PTPRE: variants seen among roughly 807,000 people sequenced by gnomAD.
PTPRE encodes protein tyrosine phosphatase receptor type E.
A neutral mutation model predicts 102.0 loss-of-function variants in PTPRE; 51 were observed. The observed-to-expected ratio is 0.50, with a 90% CI of 0.40 to 0.63. The LOEUF (loss-of-function observed/expected upper bound fraction) is 0.63. PTPRE is among the 30% of genes least tolerant of loss of function. The pLI is 0.00. For synonymous variants in PTPRE, 345 were observed against 348.2 expected (o/e 0.99, Z 0.10); for missense variants, 752 against 915.1 (o/e 0.82, Z 2.30).
At chr10:127,998,778 T>G (rs1043258463) in intron 2 of PTPRE, 2 of 152,132 alleles carry the variant, frequency 1.3e-5, no homozygotes, top group Non-Finnish European at 2.9e-5. Flanking sequence ...AGGGCACTTC[T>G]TTATGAAGTC....
chr10:128,021,406 G>T (rs1845873296), intron 2 of PTPRE, among the ~76,000 whole-genome samples: 1 of 152,218 alleles, frequency 6.6e-6, no homozygotes, highest in Non-Finnish European at 1.5e-5. Context: ...CCCTCCCCGT[G>T]TTCAGGGATA....
chr10:128,085,296 TTCAG>T lies in PTPRE; in HGVS notation c.*2394_*2397del. ...CCTGGAAAGTTCATCTCTTGTTTCC[TTCAG>T]TCAAAGAAAGTCCATTGTACATAAC... On this transcript the variant is annotated 3_prime_UTR_variant, in exon 21 of 21. Transcript: ENST00000254667. 1 of 314,780 alleles carries T rather than the reference TTCAG, an allele frequency of 3.2e-6. No homozygotes were observed. The highest frequency in any genetic ancestry group is 6.5e-6 in the Non-Finnish European group (1 of 154,574). The allele number at this position is 314,780 out of a possible 1,614,324, so 19.5% of individuals were successfully genotyped here.
chr10:127,959,855 T>C (rs549748181), intron 1 of PTPRE, among the ~76,000 whole-genome samples: 3 of 152,338 alleles, frequency 2.0e-5, no homozygotes, highest in South Asian at 4.1e-4. Context: ...TGAGATATTA[T>C]GAAGCTTCTA....
chr10:128,044,836 G>A (rs1355268314), intron 3 of PTPRE, among the ~76,000 whole-genome samples: 1 of 152,114 alleles, frequency 6.6e-6, no homozygotes, highest in East Asian at 1.9e-4. Context: ...TTTTCTTCCT[G>A]GTCCACACCA....
At chr10:127,983,882 C>T (rs1397961763) in intron 2 of PTPRE, among the ~76,000 whole-genome samples, 1 of 152,148 alleles carries the variant, frequency 6.6e-6, no homozygotes, top group East Asian at 1.9e-4. Flanking sequence ...CGGGGCTCCT[C>T]CACCTCCCGG....
chr10:127,983,678 C>T (rs1326592697), intron 2 of PTPRE, among the ~76,000 whole-genome samples: 1 of 152,298 alleles, frequency 6.6e-6, no homozygotes, highest in South Asian at 2.1e-4. Context: ...TTTTGAAATA[C>T]AGGGCTCAGA....
At chr10:127,958,320 T>C (rs1057010665) in intron 1 of PTPRE, among the ~76,000 whole-genome samples, 2 of 152,226 alleles carry the variant, frequency 1.3e-5, no homozygotes, top group African/African-American at 4.8e-5. Flanking sequence ...CGTATGACAT[T>C]AGCTGTAGGT....
intron 5 of PTPRE, 72 bp from the exon 6 acceptor site, chr10:128,049,458 G>T: frequency 1.9e-6 from 3 of 1,553,984 alleles, no homozygotes; most frequent in Non-Finnish European, 2.6e-6. Context: ...AATGTCGTTG[G>T]TCAGCTTGGT....
intron 1 of PTPRE, among the ~76,000 whole-genome samples, chr10:127,942,111 G>A (rs1378820905): frequency 6.6e-6 from 1 of 152,100 alleles, no homozygotes; most frequent in Non-Finnish European, 1.5e-5. Flanking sequence ...AGAGCATTTC[G>A]AGTGTCACTT....
intron 2 of PTPRE, among the ~76,000 whole-genome samples, chr10:128,007,886 C>G (rs994349263): frequency 2.0e-5 from 3 of 152,192 alleles, no homozygotes; most frequent in Non-Finnish European, 4.4e-5. Context: ...ACTTGCTCGG[C>G]TTCTGTACAT....
intron 6 of PTPRE, among the ~76,000 whole-genome samples, chr10:128,053,709 C>A (rs1848725699): frequency 6.6e-6 from 1 of 152,208 alleles, no homozygotes; most frequent in Admixed American, 6.5e-5. Context: ...TTGGTCCATC[C>A]TCGCCATCCA....
intron 3 of PTPRE, among the ~76,000 whole-genome samples, chr10:128,045,128 C>T (rs1386103931): frequency 6.6e-6 from 1 of 152,244 alleles, no homozygotes; most frequent in Non-Finnish European, 1.5e-5. Context: ...GATCTCTGGC[C>T]TCCTGAACAG....
chr10:127,994,427 G>A (rs958802211), intron 2 of PTPRE, among the ~76,000 whole-genome samples: 4 of 152,142 alleles, frequency 2.6e-5, no homozygotes, highest in Non-Finnish European at 4.4e-5. Context: ...TTGGAACTGT[G>A]GTATTTACCC....
In PTPRE at chr10:128,068,273, G is replaced by A. The variant is rs773746891; in HGVS notation, c.994G>A (p.Val332Met). ...TLNPVHAGPI[V>M]VHCSAGVGRT... ...CAACCCCGTGCACGCTGGGCCCATC[G>A]TGGTCCACTGTAGGTACGCTGTGGG... is the stretch of plus-strand genomic sequence containing the variant. Residue 332 changes from valine to methionine, a missense_variant, in exon 12 of 21, where the codon GTG (valine) becomes ATG (methionine). By Grantham distance (21) the Val-to-Met change is conservative (BLOSUM62 1). This residue lies in a region of PTPRE where 636 missense variants were observed against 824.4 expected (regional missense o/e 0.77). Transcript: ENST00000254667. The A allele has an allele frequency of 5.1e-5, 82 of 1,613,334 alleles. No individual in the cohort carries two copies. The highest frequency in any genetic ancestry group is 6.8e-5 in the Non-Finnish European group (80 of 1,179,574).
chr10:127,936,804 C>T (rs1847875913), intron 1 of PTPRE, among the ~76,000 whole-genome samples: 1 of 152,184 alleles, frequency 6.6e-6, no homozygotes, highest in Non-Finnish European at 1.5e-5. Flanking sequence ...CCACCAGAAC[C>T]TCCCATCCTG....
intron 3 of PTPRE, among the ~76,000 whole-genome samples, chr10:128,043,854 C>T (rs1847897903): frequency 6.6e-6 from 1 of 152,196 alleles, no homozygotes. Flanking sequence ...GACAGCCGTA[C>T]CAGAAAAGCA....
chr10:128,011,164 T>C (rs971257751), intron 2 of PTPRE, among the ~76,000 whole-genome samples: 12 of 152,130 alleles, frequency 7.9e-5, no homozygotes, highest in Admixed American at 3.9e-4. Flanking sequence ...AAAAGTCCAT[T>C]TGGGTGTTAA....
chr10:128,009,759 A>G (rs550173157), intron 2 of PTPRE, among the ~76,000 whole-genome samples: 1 of 152,352 alleles, frequency 6.6e-6, no homozygotes, highest in South Asian at 2.1e-4. Context: ...CAGCTCCTTC[A>G]TTGTTTAAAT....
chr10:128,043,202 T>C (rs1847846551), intron 3 of PTPRE, among the ~76,000 whole-genome samples: 1 of 152,178 alleles, frequency 6.6e-6, no homozygotes, highest in Non-Finnish European at 1.5e-5. Flanking sequence ...TCTATTATGA[T>C]TACATTGTAA....
Sources: gnomAD v4.1 joint callset for allele counts (sites outside exome capture counted in the v4.1 genomes callset) on GRCh38, gnomAD v4.1.1 for gene constraint, gnomAD v4.1.1 regional missense constraint, MANE v1.5 for transcripts, NCBI Gene and HGNC (gene_info 2026-07-23, HGNC 2026-07-21) for gene names.